The following METTL21A variants were observed in gnomAD, a reference collection of about 807,000 sequenced individuals.
The protein encoded by METTL21A is methyltransferase 21A, HSPA lysine.
In METTL21A, 22 loss-of-function variants were observed where a neutral mutation model predicts 20.9. The ratio of observed to expected loss-of-function variants is 1.05; its 90% CI spans 0.75 to 1.50. The LOEUF (loss-of-function observed/expected upper bound fraction) is 1.50. Among genes scored for constraint, METTL21A ranks in the 40% most tolerant of loss-of-function variants. The probability of loss-of-function intolerance (pLI) is 0.00; values close to 1 mark genes in which losing one functional copy is unlikely to be tolerated. For missense variants in METTL21A, 271 were observed against 266.8 expected, an observed-to-expected ratio of 1.02 and a Z score of -0.11; for synonymous variants, 93 against 102.0, an observed-to-expected ratio of 0.91 and a Z score of 0.53.
At chr2:207,613,293 A>G in exon 4 of METTL21A, 1 of 1,614,104 alleles carries the variant, frequency 6.2e-7, no homozygotes, top group South Asian at 1.1e-5. Flanking sequence ...TATCAGGTCA[A>G]ATTCTCCAGG....
At chr2:207,606,049 G>C (rs558683293), downstream of METTL21A, among the ~76,000 whole-genome samples, 1 of 152,126 alleles carries the variant, frequency 6.6e-6, no homozygotes, top group Non-Finnish European at 1.5e-5. Context: ...AATATCCTCA[G>C]AAATAACTGT....
exon 4 of METTL21A, chr2:207,613,331 A>T: frequency 1.9e-6 from 3 of 1,613,894 alleles, no homozygotes; most frequent in Non-Finnish European, 2.5e-6. Flanking sequence ...TTTGTCCCCA[A>T]GTCAGCTCCT....
intron 2 of METTL21A, among the ~76,000 whole-genome samples, chr2:207,622,330 G>A (rs911348623): frequency 2.6e-5 from 4 of 151,956 alleles, no homozygotes; most frequent in Non-Finnish European, 5.9e-5. Context: ...ACCACACCCA[G>A]CTAATTTTTG....
intron 3 of METTL21A, chr2:207,620,719 C>G: frequency 6.5e-7 from 1 of 1,529,984 alleles, no homozygotes; most frequent in Non-Finnish European, 8.7e-7. Context: ...GGACGGAAAC[C>G]TCTGTCAATT....
At chr2:207,590,352 C>T (rs141045646) in intron 3 of METTL21A, among the ~76,000 whole-genome samples, 1 of 151,516 alleles carries the variant, frequency 6.6e-6, no homozygotes, top group African/African-American at 2.4e-5. Flanking sequence ...CAGCCACCCT[C>T]CTTTTTTTTT....
At chr2:207,621,046 T>A (rs953782551) in intron 3 of METTL21A, among the ~76,000 whole-genome samples, 4 of 152,180 alleles carry the variant, frequency 2.6e-5, no homozygotes, top group Admixed American at 6.5e-5. Flanking sequence ...ATCTGCATTT[T>A]AACAAGAGCA....
At chr2:207,590,107 T>TA (rs1553508762) in intron 3 of METTL21A, among the ~76,000 whole-genome samples, 23,911 of 134,826 alleles carry the variant, frequency 0.18, 3,448 homozygotes, top group Non-Finnish European at 0.26. Flanking sequence ...TTTTTTTTTT[T>TA]AATAGATACG....
intron 3 of METTL21A, among the ~76,000 whole-genome samples, chr2:207,587,340 C>T (rs1412561975): frequency 6.6e-6 from 1 of 151,078 alleles, no homozygotes; most frequent in African/African-American, 2.4e-5. Context: ...TTGCAGTGAG[C>T]CGAGATCGCA....
downstream of METTL21A, among the ~76,000 whole-genome samples, chr2:207,608,879 A>C (rs1559105676): frequency 6.6e-6 from 1 of 152,212 alleles, no homozygotes; most frequent in African/African-American, 2.4e-5. Flanking sequence ...GTGAGCTGAG[A>C]TCGTGCCCCG....
chr2:207,580,885 A>G (rs928704675), downstream of METTL21A: 9 of 218,662 alleles, frequency 4.1e-5, no homozygotes, highest in East Asian at 2.0e-4. Context: ...GAAAAGGGCA[A>G]TGCTTTTGAA....
At chr2:207,583,256 C>T (rs2083261103) in intron 3 of METTL21A, among the ~76,000 whole-genome samples, 1 of 151,946 alleles carries the variant, frequency 6.6e-6, no homozygotes, top group African/African-American at 2.4e-5. Flanking sequence ...GGGACCAATC[C>T]CCCACAGATA....
chr2:207,617,876 G>A (rs1297616359), intron 3 of METTL21A, among the ~76,000 whole-genome samples: 1 of 152,190 alleles, frequency 6.6e-6, no homozygotes, highest in East Asian at 1.9e-4. Context: ...AGGGGTAGGG[G>A]AGGTAGACGG....
chr2:207,607,693 T>TTTTTTTTTTTTTTTTTTGAG (rs1277584868), downstream of METTL21A, among the ~76,000 whole-genome samples: 1 of 143,250 alleles, frequency 7.0e-6, no homozygotes, highest in Non-Finnish European at 1.5e-5. Context: ...ACATACATTT[T>TTTTTTTTTTTTTTTTTTGAG]AACATAGCAT....
chr2:207,617,597 T>A (rs939232211), intron 3 of METTL21A, among the ~76,000 whole-genome samples: 1 of 152,178 alleles, frequency 6.6e-6, no homozygotes, highest in Non-Finnish European at 1.5e-5. Flanking sequence ...CTAAGACGCC[T>A]GGGATTTAGC....
chr2:207,592,399 C>T (rs1305917502), intron 3 of METTL21A, among the ~76,000 whole-genome samples: 2 of 151,996 alleles, frequency 1.3e-5, no homozygotes, highest in Non-Finnish European at 2.9e-5. Context: ...AGCAAGACTC[C>T]ATCTCAAAAA....
intron 3 of METTL21A, among the ~76,000 whole-genome samples, chr2:207,593,365 A>G (rs1255329914): frequency 6.6e-6 from 1 of 152,148 alleles, no homozygotes; most frequent in Non-Finnish European, 1.5e-5. Context: ...GTCTCTACAA[A>G]AAATAATAAA....
chr2:207,604,821 G>A (rs1232373567), downstream of METTL21A, among the ~76,000 whole-genome samples: 2 of 152,210 alleles, frequency 1.3e-5, no homozygotes, highest in African/African-American at 4.8e-5. Context: ...TTTCATGTGA[G>A]ACTCATACAC....
intron 3 of METTL21A, chr2:207,600,146 C>G (rs975349026): frequency 5.5e-6 from 1 of 180,814 alleles, no homozygotes; most frequent in Non-Finnish European, 1.2e-5. Flanking sequence ...TTTTCAAACT[C>G]AAGTACCATA....
At chr2:207,587,006 A>G (rs1410664878) in intron 3 of METTL21A, among the ~76,000 whole-genome samples, 1 of 152,164 alleles carries the variant, frequency 6.6e-6, no homozygotes, top group Non-Finnish European at 1.5e-5. Flanking sequence ...AGAAAGGTGA[A>G]CTCTTTCTAA....
Sources: gnomAD v4.1 joint callset for allele counts (sites outside exome capture counted in the v4.1 genomes callset) on GRCh38, gnomAD v4.1.1 for gene constraint, MANE v1.5 for transcripts, NCBI Gene and HGNC (gene_info 2026-07-23, HGNC 2026-07-21) for gene names.